HERC2: variants seen among roughly 807,000 people sequenced by gnomAD.
HERC2 encodes E3 ubiquitin-protein ligase HERC2.
In HERC2, 102 loss-of-function variants were observed where a neutral mutation model predicts 537.7. The ratio of observed to expected loss-of-function variants is 0.19; its 90% confidence interval spans 0.16 to 0.22. The LOEUF is 0.22. Among genes scored for constraint, HERC2 ranks in the 10% least tolerant of loss-of-function variants. The probability of loss-of-function intolerance (pLI) is 1.00; values close to 1 mark genes in which losing one functional copy is unlikely to be tolerated. For missense variants in HERC2, 4,236 were observed against 6,198.2 expected (o/e 0.68, Z 10.63); for synonymous variants, 2,224 against 2,466.2 (o/e 0.90, Z 2.91).
chr15:28,198,846 T>C, intron 48 of HERC2, 77 bp from the exon 49 acceptor site: 1 of 1,311,068 alleles, frequency 7.6e-7, no homozygotes, highest in East Asian at 2.3e-5. Flanking sequence ...AGTATTACTC[T>C]ACTCTTAATA....
At chr15:28,128,591 T>C (rs758884781) in intron 83 of HERC2, among the ~76,000 whole-genome samples, 11 of 152,356 alleles carry the variant, frequency 7.2e-5, no homozygotes, top group Non-Finnish European at 1.6e-4. Context: ...TGCATGCTTA[T>C]ATAATTCACC....
chr15:28,283,630 C>T (rs912569220), intron 4 of HERC2, among the ~76,000 whole-genome samples: 2 of 152,304 alleles, frequency 1.3e-5, no homozygotes, highest in South Asian at 2.1e-4. Context: ...AGCACACCAA[C>T]GCATAAATAC....
intron 35 of HERC2, among the ~76,000 whole-genome samples, chr15:28,222,487 C>G (rs1900624371): frequency 1.3e-5 from 2 of 152,216 alleles, no homozygotes; most frequent in East Asian, 1.9e-4. Context: ...TTACTCCCCC[C>G]AAAAAAGCAA....
intron 3 of HERC2, among the ~76,000 whole-genome samples, chr15:28,297,827 T>C (rs1421815229): frequency 6.7e-6 from 1 of 149,866 alleles, no homozygotes; most frequent in Non-Finnish European, 1.5e-5. Context: ...TTTCATTATA[T>C]ACAAATTTTA....
chr15:28,151,402 G>A (rs1323737458), intron 70 of HERC2, among the ~76,000 whole-genome samples: 3 of 152,178 alleles, frequency 2.0e-5, no homozygotes, highest in African/African-American at 7.2e-5. Flanking sequence ...CCAGGAATTC[G>A]AGGCTACAGT....
intron 4 of HERC2, among the ~76,000 whole-genome samples, chr15:28,287,914 C>T (rs768938453): frequency 6.6e-6 from 1 of 151,898 alleles, no homozygotes; most frequent in Non-Finnish European, 1.5e-5. Context: ...TTAGTAGAGA[C>T]GCTGTTTCAC....
At chr15:28,292,010 C>G (rs919625163) in intron 4 of HERC2, among the ~76,000 whole-genome samples, 3 of 150,908 alleles carry the variant, frequency 2.0e-5, no homozygotes, top group African/African-American at 4.9e-5. Context: ...GGTGGATCAC[C>G]TGAGGTCAGG....
chr15:28,240,348 A>G (rs937506511), intron 23 of HERC2, among the ~76,000 whole-genome samples: 2 of 152,188 alleles, frequency 1.3e-5, no homozygotes, highest in East Asian at 1.9e-4. Context: ...AACCTGGGAG[A>G]CAGAGCTTGC....
intron 3 of HERC2, among the ~76,000 whole-genome samples, chr15:28,293,948 T>C (rs796929043): frequency 1.3e-5 from 2 of 152,250 alleles, no homozygotes; most frequent in Non-Finnish European, 2.9e-5. Context: ...TGTAAACACG[T>C]TCCATCACAG....
chr15:28,297,504 C>T (rs1298888509), intron 3 of HERC2, among the ~76,000 whole-genome samples: 2 of 151,312 alleles, frequency 1.3e-5, no homozygotes, highest in African/African-American at 4.8e-5. Context: ...AACTGAGTAA[C>T]ACCTCCTGAT....
At chr15:28,229,425 A>C in intron 33 of HERC2, 35 bp downstream of exon 33, 1 of 1,613,230 alleles carries the variant, frequency 6.2e-7, no homozygotes, top group South Asian at 1.1e-5. Flanking sequence ...TGCCATAGCT[A>C]CCTTAATTAA....
intron 45 of HERC2, among the ~76,000 whole-genome samples, chr15:28,204,352 T>G (rs1898180617): frequency 6.6e-6 from 1 of 152,174 alleles, no homozygotes; most frequent in South Asian, 2.1e-4. Flanking sequence ...CCAGGCACGG[T>G]GGCTCACACC....
intron 2 of HERC2, among the ~76,000 whole-genome samples, chr15:28,320,968 T>C (rs369750290): frequency 2.0e-5 from 3 of 151,710 alleles, no homozygotes; most frequent in Non-Finnish European, 2.9e-5. Flanking sequence ...TGAGTTTCTA[T>C]AGGCCATAAT....
rs116048528 is a variant in HERC2 at position 28,291,160 on chromosome 15, C to T, written c.322+1728G>A. Among the ~76,000 whole-genome samples, 551 of 152,250 alleles carry T rather than the reference C, an allele frequency of 3.6e-3. 6 individuals carry two copies. Among genetic ancestry groups the T allele is most frequent in the African/African-American group, 0.013 (521 of 41,550 alleles). On this transcript the variant is annotated intron_variant, in intron 4 of 92. Transcript: ENST00000261609. Reference sequence around the variant, plus strand: ...TTACTACATGCAAGATAATAGCATACGCACTTTGTCTGGCCTACTGTGCTG... The same window carrying T: ...TTACTACATGCAAGATAATAGCATATGCACTTTGTCTGGCCTACTGTGCTG...
At position 28,220,605 on chromosome 15, in the gene HERC2, G is replaced by A. The variant is rs145481625; in HGVS notation, c.5692C>T (p.Leu1898=). 3 of 1,603,890 alleles carry A rather than the reference G, an allele frequency of 1.9e-6. No homozygotes were observed. Among genetic ancestry groups the A allele is most frequent in the Non-Finnish European group, 2.5e-6 (3 of 1,179,818 alleles). ...PPGLGRVIGE[L]GEDGWIRVQW... is the part of the protein sequence containing the mutation. The stretch of plus-strand genomic sequence containing the variant: ...ACTCTTATCCATCCGTCCTCTCCCA[G>A]CTCACCAATCACGCGGCCTAGGCCT... Residue 1898 remains leucine, a synonymous_variant, in exon 37 of 93, where the codon CTG becomes TTG. Transcript: ENST00000261609.
At position 28,144,695 on chromosome 15, in the gene HERC2, G is replaced by C. The variant is rs146210350; in HGVS notation, c.11118C>G (p.Val3706=). The change falls in exon 72 of 93, where the codon GTC becomes GTG. Residue 3706 remains valine, a synonymous_variant. Transcript: ENST00000261609. ...SVNGWGWRFT[V]YPIMPAAGPK... Reference sequence around the variant, plus strand: ...TACCAGCAGCTGGCATGATGGGATAGACGGTGAAGCGCCAGCCCCAGCCAT... The same window carrying C: ...TACCAGCAGCTGGCATGATGGGATACACGGTGAAGCGCCAGCCCCAGCCAT... The C allele has an allele frequency of 8.7e-6, 14 of 1,614,092 alleles. No homozygotes were observed. In the African/African-American group the frequency reaches 1.9e-4, roughly 22 times the overall value.
chr15:28,246,875 A>G lies in HERC2; in HGVS notation c.3258T>C (p.Gly1086=). ...DISSPELMGV[G]SLLKKYTALL... ...GGGCTGTGTACTTCTTCAGCAAGGA[A>G]CCAACACCCATTAGCTCTGGACCTT... The change falls in exon 22 of 93, where the codon GGT becomes GGC. Residue 1086 remains glycine, a synonymous_variant. Coordinates refer to ENST00000261609, the MANE Select transcript of HERC2 (RefSeq NM_004667.6). 1 of 1,609,564 alleles carries G rather than the reference A, an allele frequency of 6.2e-7. No individual in the cohort carries two copies. The highest frequency in any genetic ancestry group is 2.2e-5 in the East Asian group (1 of 44,628).
At chr15:28,281,538 C>T (rs2076019814) in intron 4 of HERC2, among the ~76,000 whole-genome samples, 1 of 152,140 alleles carries the variant, frequency 6.6e-6, no homozygotes, top group African/African-American at 2.4e-5. Context: ...CTACCCACTA[C>T]CTGGATATGC....
At chr15:28,153,559 G>C (rs900027285) in intron 69 of HERC2, among the ~76,000 whole-genome samples, 33 of 152,116 alleles carry the variant, frequency 2.2e-4, no homozygotes, top group Admixed American at 5.2e-4. Context: ...GCTGAGGCAG[G>C]AGAATCGCTT....
Sources: allele counts gnomAD v4.1 joint callset (sites outside exome capture counted in the v4.1 genomes callset), GRCh38; gene constraint gnomAD v4.1.1; transcripts MANE v1.5; gene names NCBI Gene and HGNC (gene_info 2026-07-23, HGNC 2026-07-21).